Variants in CSMD1 observed in about 807,000 individuals in gnomAD.
CSMD1 encodes CUB and Sushi multiple domains 1.
CSMD1 carries 213 observed loss-of-function variants against 417.5 expected under a neutral mutation model. The observed-to-expected ratio is 0.51, with a 90% CI of 0.46 to 0.57. The LOEUF (loss-of-function observed/expected upper bound fraction) is 0.57. Ranked by LOEUF, CSMD1 falls within the 20% of genes least tolerant of loss-of-function variation. The probability of loss-of-function intolerance (pLI) is 0.00; values close to 1 mark genes in which losing one functional copy is unlikely to be tolerated. For missense variants in CSMD1, 6,923 were observed against 4,529.7 expected (o/e 1.53, Z -15.17); for synonymous variants, 2,862 against 1,736.8 (o/e 1.65, Z -16.11).
intron 3 of CSMD1, among the ~76,000 whole-genome samples, chr8:4,267,866 A>G (rs1804318577): frequency 6.6e-6 from 1 of 152,160 alleles, no homozygotes; most frequent in Non-Finnish European, 1.5e-5. Context: ...ATAGCCATAT[A>G]CTTGTGATTA....
chr8:3,866,643 G>A (rs1805125096), intron 5 of CSMD1, among the ~76,000 whole-genome samples: 1 of 151,540 alleles, frequency 6.6e-6, no homozygotes, highest in East Asian at 1.9e-4. Flanking sequence ...TTTGGAATGT[G>A]ATTCAGGAAA....
intron 5 of CSMD1, among the ~76,000 whole-genome samples, chr8:3,848,745 C>A (rs1489796944): frequency 6.6e-6 from 1 of 151,964 alleles, no homozygotes; most frequent in Admixed American, 6.6e-5. Flanking sequence ...TGGTCCTGAA[C>A]TACATGTGTC....
chr8:4,185,266 C>T (rs78115638), intron 3 of CSMD1, among the ~76,000 whole-genome samples: 6 of 151,792 alleles, frequency 4.0e-5, no homozygotes, highest in African/African-American at 1.5e-4. Flanking sequence ...CCTTGCAATT[C>T]GTCATGATCT....
intron 1 of CSMD1, among the ~76,000 whole-genome samples, chr8:4,890,289 T>C (rs7845668): frequency 0.48 from 72,479 of 151,932 alleles, 17,842 homozygotes; most frequent in Middle Eastern, 0.55. Flanking sequence ...AATGCAAATG[T>C]CTACGAAGTA....
intron 3 of CSMD1, among the ~76,000 whole-genome samples, chr8:4,054,598 G>T (rs1001784951): frequency 6.6e-6 from 1 of 152,084 alleles, no homozygotes; most frequent in African/African-American, 2.4e-5. Context: ...AATTGTGGAG[G>T]TGTATTTAGC....
At chr8:3,445,516 C>T (rs1815243099) in intron 12 of CSMD1, among the ~76,000 whole-genome samples, 1 of 152,124 alleles carries the variant, frequency 6.6e-6, no homozygotes, top group Admixed American at 6.6e-5. Flanking sequence ...GCAATGTGCA[C>T]AACTCTTTTC....
At chr8:4,649,799 A>G (rs374369539) in intron 1 of CSMD1, among the ~76,000 whole-genome samples, 4 of 152,186 alleles carry the variant, frequency 2.6e-5, no homozygotes, top group African/African-American at 9.6e-5. Flanking sequence ...CTTTAGTTTT[A>G]TTTCATAAGT....
At chr8:4,072,004 T>C in intron 3 of CSMD1, among the ~76,000 whole-genome samples, 1 of 152,108 alleles carries the variant, frequency 6.6e-6, no homozygotes, top group East Asian at 1.9e-4. Context: ...CATTTTCTGG[T>C]GGATGTGGTT....
At chr8:3,478,744 C>A (rs906128382) in intron 11 of CSMD1, among the ~76,000 whole-genome samples, 22 of 152,178 alleles carry the variant, frequency 1.4e-4, no homozygotes, top group Non-Finnish European at 2.5e-4. Context: ...AAGAGCCACA[C>A]CAACAACAAA....
At chr8:4,971,741 A>G (rs1435209633) in intron 1 of CSMD1, among the ~76,000 whole-genome samples, 1 of 151,744 alleles carries the variant, frequency 6.6e-6, no homozygotes, top group Admixed American at 6.6e-5. Context: ...TCATATAAAT[A>G]TTACCAACTT....
Position 3,451,743 on chromosome 8 carries a change from G to C in CSMD1, c.1561+16969C>G, listed in dbSNP as rs879907646. Among the ~76,000 whole-genome samples, 44 of 152,248 alleles carry C rather than the reference G, an allele frequency of 2.9e-4. 1 individual carries two copies. The highest frequency in any genetic ancestry group is 1.9e-3 in the Admixed American group (29 of 15,288). Reference sequence around the variant, plus strand: ...GCCTTGTAATATAGTTTGAAGTCAGGTAGCATGACGCCTCCAGCTTTGTTC... The same window carrying C: ...GCCTTGTAATATAGTTTGAAGTCAGCTAGCATGACGCCTCCAGCTTTGTTC... On this transcript the variant is annotated intron_variant, in intron 12 of 69. Transcript: ENST00000635120.
chr8:3,474,822 G>C (rs1437702358), intron 11 of CSMD1, among the ~76,000 whole-genome samples: 1 of 152,012 alleles, frequency 6.6e-6, no homozygotes, highest in South Asian at 2.1e-4. Context: ...TCCCCAAGTT[G>C]ACTCTATAGT....
chr8:4,336,639 G>A (rs1800189746), intron 3 of CSMD1, among the ~76,000 whole-genome samples: 1 of 152,150 alleles, frequency 6.6e-6, no homozygotes, highest in African/African-American at 2.4e-5. Flanking sequence ...GAGCACATGA[G>A]CATGCTTCAC....
At chr8:4,893,200 A>C (rs922706523) in intron 1 of CSMD1, among the ~76,000 whole-genome samples, 12 of 152,268 alleles carry the variant, frequency 7.9e-5, no homozygotes, top group Admixed American at 2.6e-4. Context: ...TTAACTCACT[A>C]AAATAGTTGT....
chr8:3,495,028 T>C (rs370600183), intron 10 of CSMD1, among the ~76,000 whole-genome samples: 6 of 152,334 alleles, frequency 3.9e-5, no homozygotes, highest in African/African-American at 1.4e-4. Context: ...AAATTCTTAC[T>C]AAAATTATTA....
intron 19 of CSMD1, among the ~76,000 whole-genome samples, chr8:3,368,994 G>A (rs7001248): frequency 2.0e-5 from 3 of 152,070 alleles, no homozygotes; most frequent in East Asian, 1.9e-4. Flanking sequence ...TACCACGATA[G>A]CTATATTTCA....
At chr8:3,135,699 G>A (rs1818038368) in intron 41 of CSMD1, among the ~76,000 whole-genome samples, 1 of 152,106 alleles carries the variant, frequency 6.6e-6, no homozygotes, top group Admixed American at 6.6e-5. Flanking sequence ...CTTGAGTGAA[G>A]TCTGCTGATC....
intron 2 of CSMD1, among the ~76,000 whole-genome samples, chr8:4,595,071 TG>T (rs1416709244): frequency 2.0e-5 from 3 of 152,206 alleles, no homozygotes; most frequent in Non-Finnish European, 4.4e-5. Flanking sequence ...AACATAGGTG[TG>T]CCTTTTTTTA....
At chr8:3,285,729 A>G (rs978019913) in intron 25 of CSMD1, among the ~76,000 whole-genome samples, 1 of 151,968 alleles carries the variant, frequency 6.6e-6, no homozygotes, top group South Asian at 2.1e-4. Flanking sequence ...AAAATCTTAT[A>G]CATGCAACAA....
Sources: allele counts gnomAD v4.1 joint callset (sites outside exome capture counted in the v4.1 genomes callset), GRCh38; gene constraint gnomAD v4.1.1; transcripts MANE v1.5; gene names NCBI Gene and HGNC (gene_info 2026-07-23, HGNC 2026-07-21).